PRPF3: variants seen among roughly 807,000 people sequenced by gnomAD.
PRPF3 encodes U4/U6 small nuclear ribonucleoprotein Prp3.
Under a neutral mutation model 89.2 loss-of-function variants are expected in PRPF3, and 3 were observed. The observed-to-expected ratio is 0.03, with a 90% CI of 0.02 to 0.09. The LOEUF is 0.09. Ranked by LOEUF, PRPF3 falls within the 10% of genes least tolerant of loss-of-function variation. PRPF3 has a pLI of 1.00. For synonymous variants in PRPF3, 270 were observed against 289.1 expected (o/e 0.93, Z 0.67); for missense variants, 463 against 828.8 (o/e 0.56, Z 5.42).
At chr1:150,343,516 G>T (rs1244884294) in intron 10 of PRPF3, 64 bp downstream of exon 10, 16 of 1,578,948 alleles carry the variant, frequency 1.0e-5, no homozygotes, top group Admixed American at 1.7e-5. Context: ...AATCCTGGAG[G>T]AACTTTAACA....
chr1:150,343,248 A>AT (rs1553871909), intron 9 of PRPF3, 61 bp from the exon 10 acceptor site: 1,747 of 445,028 alleles, frequency 3.9e-3, no homozygotes, highest in Middle Eastern at 0.017. Context: ...AAAAAAAAAA[A>AT]ATATATATAT....
intron 12 of PRPF3, chr1:150,345,648 C>G (rs1658207251): frequency 3.4e-6 from 1 of 297,456 alleles, no homozygotes; most frequent in Admixed American, 4.7e-5. Flanking sequence ...CGCACCCAGC[C>G]AAGTAATCCT....
In PRPF3 at chr1:150,333,167, G is replaced by A; in HGVS notation, c.696G>A (p.Leu232=). 6.2e-7 allele frequency: 1 copy of A among 1,614,192 alleles called. No homozygotes were observed. Among genetic ancestry groups the A allele is most frequent in the Non-Finnish European group, 8.5e-7 (1 of 1,180,042 alleles). The change falls in exon 6 of 16, where the codon CTG becomes CTA. Residue 232 remains leucine (L), a synonymous_variant. Transcript: ENST00000324862. ...TCGGCAATGCCAACATGGTGGGCCT[G>A]GCTAATCTCCATGCCATGGGCATTG... ...GLIGNANMVG[L]ANLHAMGIAP...
At chr1:150,325,152 C>T (rs1655563293) in intron 2 of PRPF3, 65 bp downstream of exon 2, 4 of 1,569,202 alleles carry the variant, frequency 2.5e-6, no homozygotes, top group Non-Finnish European at 3.5e-6. Flanking sequence ...CTTTGAACTT[C>T]CTCAAAATTC....
At chr1:150,331,739 T>C (rs1287978833) in intron 4 of PRPF3, among the ~76,000 whole-genome samples, 1 of 152,168 alleles carries the variant, frequency 6.6e-6, no homozygotes, top group Non-Finnish European at 1.5e-5. Context: ...TAAAAATATC[T>C]TGAAGCAGTT....
At chr1:150,333,571 A>C (rs1304146957) in intron 6 of PRPF3, among the ~76,000 whole-genome samples, 5 of 152,146 alleles carry the variant, frequency 3.3e-5, no homozygotes, top group Non-Finnish European at 7.4e-5. Context: ...AGAAAACAAC[A>C]AACAAAATAT....
chr1:150,325,041 A>C lies in PRPF3; in HGVS notation c.99A>C (p.Ala33=). ...TCTCAGAGCCTACGGTGGTCACAGC[A>C]GCATTGAACTGTGTGGGGAAGGGCA... The part of the protein sequence containing the change: ...LGFSEPTVVT[A]ALNCVGKGMD... Residue 33 remains alanine, a synonymous_variant, in exon 2 of 16, where the codon GCA becomes GCC. Transcript: ENST00000324862. The C allele has an allele frequency of 3.1e-6, 5 of 1,613,982 alleles. No individual in the cohort carries two copies. Among genetic ancestry groups the C allele is most frequent in the Non-Finnish European group, 4.2e-6 (5 of 1,179,940 alleles).
chr1:150,324,752 G>C, intron 1 of PRPF3, 143 bp from the exon 2 acceptor site: 1 of 522,030 alleles, frequency 1.9e-6, no homozygotes, highest in Non-Finnish European at 3.4e-6. Flanking sequence ...TCACCATGTT[G>C]GCCAGACTGG....
intron 7 of PRPF3, among the ~76,000 whole-genome samples, chr1:150,336,082 T>G (rs958996794): frequency 6.6e-6 from 1 of 152,170 alleles, no homozygotes; most frequent in African/African-American, 2.4e-5. Context: ...CTATTATTAT[T>G]TTATTGTAAT....
intron 4 of PRPF3, 59 bp downstream of exon 4, chr1:150,328,525 A>G (rs782021576): frequency 9.3e-7 from 1 of 1,078,246 alleles, no homozygotes; most frequent in Non-Finnish European, 1.4e-6. Context: ...CAAAAGGTGC[A>G]TGGGTCTGTA....
chr1:150,335,316 T>G, intron 7 of PRPF3, 75 bp downstream of exon 7: 1 of 1,514,882 alleles, frequency 6.6e-7, no homozygotes, highest in Non-Finnish European at 9.1e-7. Context: ...TAAATCTCTG[T>G]GTTCTAGGAA....
Position 150,333,104 on chromosome 1 carries a change from T to C in PRPF3, c.633T>C (p.Ala211=). The change falls in exon 6 of 16, where the codon GCT becomes GCC. Residue 211 remains alanine, a synonymous_variant. Coordinates refer to ENST00000324862, the MANE Select transcript of PRPF3 (RefSeq NM_004698.4). ...EKARKAAELQ[A]RIQAQLALKP... ...CAAGGAAAGCAGCTGAACTGCAAGC[T>C]CGAATCCAAGCCCAGCTGGCACTGA... 6.2e-7 allele frequency: 1 copy of C among 1,614,184 alleles called. No individual in the cohort carries two copies. Among genetic ancestry groups the C allele is most frequent in the Non-Finnish European group, 8.5e-7 (1 of 1,180,036 alleles).
At chr1:150,335,745 G>A (rs182841376) in intron 7 of PRPF3, among the ~76,000 whole-genome samples, 83 of 145,680 alleles carry the variant, frequency 5.7e-4, no homozygotes, top group African/African-American at 1.8e-3. Context: ...GATTACAGGC[G>A]TGAGCCACCG....
At chr1:150,323,732 A>T (rs1202387774) in intron 1 of PRPF3, among the ~76,000 whole-genome samples, 1 of 151,444 alleles carries the variant, frequency 6.6e-6, no homozygotes, top group African/African-American at 2.4e-5. Context: ...TGTATGCAGA[A>T]TTCCCACTGG....
At position 150,346,434 on chromosome 1, in the gene PRPF3, C is replaced by T. The variant is rs781985482; in HGVS notation, c.1786C>T (p.Arg596Cys). 6.2e-6 allele frequency: 10 copies of T among 1,613,940 alleles called. No individual in the cohort carries two copies. The South Asian group carries it at 6.6e-5, about 11-fold the overall frequency. ...CCCCAAGGCCCAGAAGAAATTTAAG[C>T]GTCTTATGCTGCATCGGATAAAGTG... ...GGPKAQKKFK[R>C]LMLHRIKWDE... The change falls in exon 14 of 16, where the codon CGT becomes TGT. Residue 596 changes from arginine to cysteine, a missense_variant. Arg to Cys is a radical substitution (Grantham distance 180). Coordinates refer to ENST00000324862, the MANE Select transcript of PRPF3 (RefSeq NM_004698.4).
chr1:150,341,125 A>G (rs587760803), intron 9 of PRPF3, among the ~76,000 whole-genome samples: 2,813 of 142,024 alleles, frequency 0.02, 105 homozygotes, highest in African/African-American at 0.068. Context: ...AAAAAAAAAA[A>G]AAGAAGAAAG....
In PRPF3 at chr1:150,351,220, G is replaced by A. The variant is rs191198181; in HGVS notation, c.1906-1613G>A. 1.1e-3 allele frequency among the ~76,000 whole-genome samples: 173 copies of A among 150,936 alleles called. 2 individuals carry two copies. The highest frequency in any genetic ancestry group is 4.0e-3 in the African/African-American group (163 of 41,044). ...GCGGAGGTTGCAGTGAGCCGAGATC[G>A]CACCATTGCACTCCAGCCTGGGTGA... On this transcript the variant is annotated intron_variant, in intron 15 of 15. Transcript: ENST00000324862.
chr1:150,327,326 A>G (rs1484225930), intron 3 of PRPF3, among the ~76,000 whole-genome samples: 2 of 152,126 alleles, frequency 1.3e-5, no homozygotes, highest in African/African-American at 4.8e-5. Flanking sequence ...TCGGCCTCCC[A>G]AAGTGCTGGA....
chr1:150,326,249 A>T (rs1553863719), intron 3 of PRPF3, among the ~76,000 whole-genome samples: 1 of 152,136 alleles, frequency 6.6e-6, no homozygotes, highest in East Asian at 1.9e-4. Flanking sequence ...ATGTGACTCC[A>T]CTGGTACCTG....
Sources: allele counts gnomAD v4.1 joint callset (sites outside exome capture counted in the v4.1 genomes callset), GRCh38; gene constraint gnomAD v4.1.1; transcripts MANE v1.5; gene names NCBI Gene and HGNC (gene_info 2026-07-23, HGNC 2026-07-21).